Variants in CENPH observed in about 807,000 individuals in gnomAD.
The protein encoded by CENPH is centromere protein H.
CENPH carries 40 observed loss-of-function variants against 42.9 expected under a neutral mutation model. That is an observed-to-expected ratio of 0.93 (90% CI 0.72 to 1.21). The LOEUF (loss-of-function observed/expected upper bound fraction) is 1.21. Among genes scored for constraint, CENPH ranks in the 50% most tolerant of loss-of-function variants. The pLI, the probability that CENPH is intolerant of heterozygous loss-of-function variation, is 0.00. For missense variants in CENPH, 302 were observed against 292.9 expected, an observed-to-expected ratio of 1.03 and a Z score of -0.23; for synonymous variants, 88 against 96.5, an observed-to-expected ratio of 0.91 and a Z score of 0.52.
At chr5:69,189,818 G>A (rs111377872) in intron 1 of CENPH, 50 bp downstream of exon 1, 3 of 1,418,136 alleles carry the variant, frequency 2.1e-6, no homozygotes, top group Non-Finnish European at 2.8e-6. Flanking sequence ...GTTGTGGCCC[G>A]GAACTCCGCC....
In CENPH at chr5:69,193,792, C is replaced by T. The variant is rs556183276; in HGVS notation, c.191-855C>T. Among the ~76,000 whole-genome samples the T allele has an allele frequency of 6.9e-4, 104 of 151,594 alleles. 1 individual carries two copies. The Middle Eastern group carries it at 0.01, about 15-fold the overall frequency. On this transcript the variant is annotated intron_variant, in intron 2 of 8. Transcript: ENST00000283006. ...TCAGCCTCTCAAGTAGCCAGGATTA[C>T]AGGCACCTGCCACCATGGCCGGCTA...
chr5:69,201,336 C>T (rs150895634), intron 5 of CENPH, among the ~76,000 whole-genome samples: 129 of 152,194 alleles, frequency 8.5e-4, no homozygotes, highest in East Asian at 4.2e-3. Flanking sequence ...TTTGTTACTG[C>T]GCTATAGTAT....
At chr5:69,198,892 C>T (rs1235069076) in intron 5 of CENPH, among the ~76,000 whole-genome samples, 1 of 152,020 alleles carries the variant, frequency 6.6e-6, no homozygotes, top group Non-Finnish European at 1.5e-5. Flanking sequence ...CTGCAGTAAG[C>T]TGTGATCTTG....
intron 2 of CENPH, among the ~76,000 whole-genome samples, chr5:69,193,586 C>T (rs1220978074): frequency 6.6e-6 from 1 of 151,878 alleles, no homozygotes; most frequent in Non-Finnish European, 1.5e-5. Flanking sequence ...CACTACACTA[C>T]AGCCTGGGTG....
At chr5:69,193,130 T>TAC (rs762159038) in intron 2 of CENPH, among the ~76,000 whole-genome samples, 38 of 151,430 alleles carry the variant, frequency 2.5e-4, no homozygotes, top group Non-Finnish European at 4.3e-4. Flanking sequence ...TATATATATA[T>TAC]ACACACACAC....
At chr5:69,197,793 A>G (rs900383644) in intron 5 of CENPH, among the ~76,000 whole-genome samples, 2 of 151,186 alleles carry the variant, frequency 1.3e-5, no homozygotes, top group African/African-American at 4.9e-5. Flanking sequence ...CTTAAAACTT[A>G]AAGTATAATA....
At chr5:69,205,764 A>C (rs1469031855) in intron 7 of CENPH, among the ~76,000 whole-genome samples, 1 of 124,334 alleles carries the variant, frequency 8.0e-6, no homozygotes, top group Non-Finnish European at 1.5e-5. Context: ...GCTGGAGTGC[A>C]GTGGCACTAT....
intron 1 of CENPH, among the ~76,000 whole-genome samples, chr5:69,190,637 T>C (rs1042814632): frequency 6.6e-6 from 1 of 152,232 alleles, no homozygotes; most frequent in African/African-American, 2.4e-5. Context: ...CCCAACACTT[T>C]GGGATGCCGA....
chr5:69,191,802 G>A lies in CENPH; in HGVS notation c.142G>A (p.Ala48Thr), dbSNP rs1561320546. 1.3e-6 allele frequency: 2 copies of A among 1,553,136 alleles called. No individual in the cohort carries two copies. The highest frequency in any genetic ancestry group is 1.7e-4 in the Middle Eastern group (1 of 5,946). ...DRMTLLLRLR[A>T]QTKQQLLEYK... The stretch of plus-strand genomic sequence containing the variant: ...CTCTTTATCTGTTTTCAGGCTGAGA[G>A]CACAGACAAAACAACAACTCTTAGA... Residue 48 changes from alanine to threonine, a missense_variant, in exon 2 of 9, where the codon GCA (alanine) becomes ACA (threonine). Physicochemically the swap from Ala to Thr is moderately conservative, Grantham distance 58. Transcript: ENST00000283006.
intron 7 of CENPH, 102 bp from the exon 8 acceptor site, chr5:69,208,094 C>T: frequency 1.7e-6 from 1 of 575,246 alleles, no homozygotes. Context: ...AAATTTTTCT[C>T]TTGACTAAAA....
rs70992906 is a variant in CENPH at position 69,200,719 on chromosome 5, C to CTTTTTTTTTTTTTTT, written c.372-1767_372-1753dup. ...TCCCAAACTTTCTGAATCAGCGTAT[C>CTTTTTTTTTTTTTTT]TTTTTTTTTTTTTTTTTTTTTTTTT... is the stretch of plus-strand genomic sequence containing the variant. On this transcript the variant is annotated intron_variant, in intron 5 of 8. Transcript: ENST00000283006. Among the ~76,000 whole-genome samples, 48 of 46,918 alleles carry CTTTTTTTTTTTTTTT rather than the reference C, an allele frequency of 1.0e-3. 15 individuals carry two copies. Among genetic ancestry groups the CTTTTTTTTTTTTTTT allele is most frequent in the East Asian group, 1.7e-3 (2 of 1,154 alleles). 30.8% of individuals were successfully genotyped at this position (46,918 alleles called of 152,430 possible).
At chr5:69,196,904 C>G in intron 4 of CENPH, 149 bp from the exon 5 acceptor site, 1 of 543,770 alleles carries the variant, frequency 1.8e-6, no homozygotes, top group Non-Finnish European at 3.2e-6. Context: ...TTTTATTTCT[C>G]AAAGTATTTC....
At chr5:69,199,603 G>A (rs1350061860) in intron 5 of CENPH, among the ~76,000 whole-genome samples, 1 of 152,172 alleles carries the variant, frequency 6.6e-6, no homozygotes, top group Non-Finnish European at 1.5e-5. Flanking sequence ...TGAGGGGTCT[G>A]ATGTCTTATT....
At chr5:69,205,058 A>G (rs1748128903) in intron 7 of CENPH, among the ~76,000 whole-genome samples, 1 of 150,902 alleles carries the variant, frequency 6.6e-6, no homozygotes, top group Admixed American at 6.7e-5. Context: ...AGCTGGGACT[A>G]CAGGCACCCG....
In CENPH at chr5:69,189,661, C is replaced by G; in HGVS notation, c.27C>G (p.Asp9Glu). The change falls in exon 1 of 9, where the codon GAC becomes GAG. Residue 9 changes from aspartate to glutamate, a missense_variant. Physicochemically the swap from Asp to Glu is conservative, Grantham distance 45. Transcript: ENST00000283006. ...TGGAGGAGCAGCCCCAGATGCAAGA[C>G]GCCGACGAGCCCGCGGACTCCGGAG... The part of the protein sequence containing the change: MEEQPQMQ[D>E]ADEPADSGGE... The G allele has an allele frequency of 6.2e-7, 1 of 1,600,874 alleles. No individual in the cohort carries two copies.
intron 5 of CENPH, among the ~76,000 whole-genome samples, chr5:69,200,112 C>CAAAAA (rs373894870): frequency 1.9e-5 from 1 of 51,422 alleles, no homozygotes; most frequent in Non-Finnish European, 4.2e-5. Context: ...GACTCTGTCT[C>CAAAAA]AAAAAAAAAA....
At chr5:69,192,299 C>CT (rs2112080602) in intron 2 of CENPH, among the ~76,000 whole-genome samples, 1 of 152,242 alleles carries the variant, frequency 6.6e-6, no homozygotes, top group Non-Finnish European at 1.5e-5. Context: ...GATGGCTTCT[C>CT]TAAGAAGATG....
At chr5:69,202,602 T>A in intron 6 of CENPH, 33 bp downstream of exon 6, 1 of 1,235,840 alleles carries the variant, frequency 8.1e-7, no homozygotes. Context: ...TTATGCATTC[T>A]CATGATTTTA....
chr5:69,195,089 C>A (rs1236458313), intron 3 of CENPH, among the ~76,000 whole-genome samples: 1 of 152,004 alleles, frequency 6.6e-6, no homozygotes, highest in Non-Finnish European at 1.5e-5. Context: ...ATTAGCCGGG[C>A]GTGATGGCAC....
Sources: gnomAD v4.1 joint callset for allele counts (sites outside exome capture counted in the v4.1 genomes callset) on GRCh38, gnomAD v4.1.1 for gene constraint, MANE v1.5 for transcripts, NCBI Gene and HGNC (gene_info 2026-07-23, HGNC 2026-07-21) for gene names.